TASP1: variants seen among roughly 807,000 people sequenced by gnomAD.
TASP1 encodes the protein taspase 1.
In TASP1, 16 loss-of-function variants were observed where a neutral mutation model predicts 56.6. The observed-to-expected ratio is 0.28, with a 90% CI of 0.19 to 0.43. TASP1 has a LOEUF of 0.43. Among genes scored for constraint, TASP1 ranks in the 20% least tolerant of loss-of-function variants. The pLI, the probability that TASP1 is intolerant of heterozygous loss-of-function variation, is 1.00. For synonymous variants in TASP1, 179 were observed against 184.2 expected (o/e 0.97, Z 0.23); for missense variants, 393 against 511.6 (o/e 0.77, Z 2.24).
the TASP1 span, among the ~76,000 whole-genome samples, chr20:13,265,264 C>G: frequency 6.6e-6 from 1 of 152,130 alleles, no homozygotes; most frequent in Admixed American, 6.5e-5. Context: ...CGTTTACAAG[C>G]CTTTTTTATT....
chr20:13,215,799 TTG>T, the TASP1 span, among the ~76,000 whole-genome samples: 2 of 152,264 alleles, frequency 1.3e-5, no homozygotes, highest in East Asian at 1.9e-4. Context: ...TTCATAGGTT[TTG>T]TGTGTGTTGG....
intron 11 of TASP1, among the ~76,000 whole-genome samples, chr20:13,482,400 G>A (rs879892331): frequency 3.9e-5 from 6 of 152,026 alleles, no homozygotes; most frequent in East Asian, 1.9e-4. Context: ...GGTCTTTTGC[G>A]AGTCCACATA....
chr20:13,600,657 A>T (rs989939534), intron 4 of TASP1: 4 of 152,334 alleles, frequency 2.6e-5, no homozygotes, highest in East Asian at 1.9e-4. Context: ...GTGACCTTAC[A>T]TTAGGCAAGT....
chr20:13,181,383 C>T, the TASP1 span, among the ~76,000 whole-genome samples: 68,040 of 151,878 alleles, frequency 0.45, 15,383 homozygotes, highest in East Asian at 0.64. Context: ...TCTCCTCCCA[C>T]GTAAACTCCT....
chr20:13,510,105 T>C (rs1290979924), intron 10 of TASP1, among the ~76,000 whole-genome samples: 1 of 152,120 alleles, frequency 6.6e-6, no homozygotes, highest in Admixed American at 6.6e-5. Flanking sequence ...AAAGATTATA[T>C]TGGTTACTTA....
the TASP1 span, among the ~76,000 whole-genome samples, chr20:13,116,144 ACCCGTTGGTCTGGGTGACTGTGC>A: frequency 1.3e-3 from 197 of 151,908 alleles, no homozygotes; most frequent in African/African-American, 4.4e-3. Flanking sequence ...CCAAACCAAC[ACCCGTTGGTCTGGGTGACTGTGC>A]ACACAGCCAG....
At chr20:13,444,867 C>T (rs2043347098) in intron 11 of TASP1, among the ~76,000 whole-genome samples, 1 of 152,140 alleles carries the variant, frequency 6.6e-6, no homozygotes, top group Non-Finnish European at 1.5e-5. Flanking sequence ...AGGTCTCTGT[C>T]TATAAACCCA....
intron 8 of TASP1, among the ~76,000 whole-genome samples, chr20:13,549,560 G>A (rs1271670681): frequency 8.5e-5 from 13 of 152,058 alleles, no homozygotes. Context: ...GGTCATTGGT[G>A]TATGGTGATA....
the TASP1 span, among the ~76,000 whole-genome samples, chr20:13,311,849 C>A: frequency 6.6e-6 from 1 of 152,078 alleles, no homozygotes; most frequent in Admixed American, 6.6e-5. Context: ...TTAGGAGAAA[C>A]AAGTTCTGGA....
the TASP1 span, among the ~76,000 whole-genome samples, chr20:13,287,222 C>A: frequency 6.6e-6 from 1 of 152,244 alleles, no homozygotes; most frequent in South Asian, 2.1e-4. Flanking sequence ...GCTGGGGAGG[C>A]CTCACAATCA....
At chr20:13,539,713 C>T (rs987459341) in intron 8 of TASP1, among the ~76,000 whole-genome samples, 1 of 152,066 alleles carries the variant, frequency 6.6e-6, no homozygotes, top group Non-Finnish European at 1.5e-5. Flanking sequence ...TAAATTCATA[C>T]CATAAAAAAG....
At chr20:13,171,139 A>G in the TASP1 span, among the ~76,000 whole-genome samples, 1 of 152,168 alleles carries the variant, frequency 6.6e-6, no homozygotes, top group South Asian at 2.1e-4. Context: ...CCAACAATAC[A>G]TGATTTCCCC....
At chr20:13,362,518 C>T in the TASP1 span, among the ~76,000 whole-genome samples, 16 of 141,364 alleles carry the variant, frequency 1.1e-4, 2 homozygotes, top group African/African-American at 4.3e-4. Context: ...AGAACAAATC[C>T]CCTTTGACTG....
At chr20:13,620,265 T>TACACACACACACACACACAC (rs757563847) in intron 4 of TASP1, among the ~76,000 whole-genome samples, 17 of 145,770 alleles carry the variant, frequency 1.2e-4, no homozygotes, top group Admixed American at 7.5e-4. Flanking sequence ...CTGTGGTATT[T>TACACACACACACACACACAC]ACACACACAC....
intron 11 of TASP1, among the ~76,000 whole-genome samples, chr20:13,444,694 C>T (rs779128130): frequency 1.3e-5 from 2 of 152,160 alleles, no homozygotes; most frequent in Non-Finnish European, 2.9e-5. Flanking sequence ...TGCATTCTAC[C>T]ATTTGCTGCT....
chr20:13,434,713 T>C (rs891751083), intron 12 of TASP1, among the ~76,000 whole-genome samples: 1 of 152,168 alleles, frequency 6.6e-6, no homozygotes, highest in Non-Finnish European at 1.5e-5. Context: ...TCTCTATTAC[T>C]GTGTGCCTTG....
chr20:13,472,927 C>T (rs965856298), intron 11 of TASP1, among the ~76,000 whole-genome samples: 2 of 152,000 alleles, frequency 1.3e-5, no homozygotes, highest in African/African-American at 4.8e-5. Flanking sequence ...GACAGTGTGG[C>T]GATTCCTCAA....
chr20:13,578,536 T>C (rs1309928828), intron 6 of TASP1, among the ~76,000 whole-genome samples: 1 of 152,174 alleles, frequency 6.6e-6, no homozygotes, highest in Non-Finnish European at 1.5e-5. Context: ...TATCTTAATA[T>C]ATTTTTTGCT....
the TASP1 span, among the ~76,000 whole-genome samples, chr20:13,237,357 T>C: frequency 1.3e-5 from 2 of 152,164 alleles, no homozygotes; most frequent in African/African-American, 4.8e-5. Flanking sequence ...ATCAACAGAA[T>C]GGATAATAAG....
Sources: gnomAD v4.1 joint callset for allele counts (sites outside exome capture counted in the v4.1 genomes callset) on GRCh38, gnomAD v4.1.1 for gene constraint, MANE v1.5 for transcripts, NCBI Gene and HGNC (gene_info 2026-07-23, HGNC 2026-07-21) for gene names.